Variants in TFB1M observed in about 807,000 individuals in gnomAD.
TFB1M encodes transcription factor B1, mitochondrial, also known as dimethyladenosine transferase 1, mitochondrial.
TFB1M carries 27 observed loss-of-function variants against 31.1 expected under a neutral mutation model. The observed-to-expected ratio is 0.87, with a 90% CI of 0.64 to 1.20. TFB1M has a LOEUF of 1.20. Ranked by LOEUF, TFB1M falls within the 50% of genes most tolerant of loss-of-function variation. TFB1M has a pLI of 0.00. For missense variants in TFB1M, 394 were observed against 418.7 expected (o/e 0.94, Z 0.51); for synonymous variants, 166 against 151.8 (o/e 1.09, Z -0.69).
At chr6:155,266,295 T>A (rs976781920) in intron 5 of TFB1M, among the ~76,000 whole-genome samples, 1 of 152,138 alleles carries the variant, frequency 6.6e-6, no homozygotes, top group African/African-American at 2.4e-5. Flanking sequence ...TAAAAGCCAC[T>A]GGGTTGGGCC....
At chr6:155,275,687 AT>A (rs1268803800) in intron 5 of TFB1M, 4 of 1,573,118 alleles carry the variant, frequency 2.5e-6, no homozygotes. Flanking sequence ...AAACATCAGG[AT>A]TTTCTAAGAG....
downstream of TFB1M, chr6:155,255,958 A>G (rs181709318): frequency 7.6e-5 from 13 of 170,720 alleles, no homozygotes; most frequent in African/African-American, 3.2e-4. Flanking sequence ...TGCAGTGAGC[A>G]GAGATCACAC....
the TFB1M span, among the ~76,000 whole-genome samples, chr6:155,235,021 G>C: frequency 6.6e-6 from 1 of 151,578 alleles, no homozygotes. Flanking sequence ...CACAGCTAGA[G>C]ACAGAGCACA....
At chr6:155,250,451 G>A in the TFB1M span, 2 of 1,130,490 alleles carry the variant, frequency 1.8e-6, no homozygotes, top group Non-Finnish European at 2.5e-6. Context: ...AAGTAGCATA[G>A]TTTAGGGAGA....
At position 155,257,041 on chromosome 6, in the gene TFB1M, C is replaced by T. The variant is rs201575258; in HGVS notation, c.*795G>A. 96 of 1,613,978 alleles carry T rather than the reference C, an allele frequency of 5.9e-5. No homozygotes were observed. Among genetic ancestry groups the T allele is most frequent in the Non-Finnish European group, 7.3e-5 (86 of 1,180,032 alleles). ...CATCGACCTAAATTCTGTTCTAGAG[C>T]GAGAATTCAGTGTCCAGAGTTTAAC... is the stretch of plus-strand genomic sequence containing the variant. On this transcript the variant is annotated 3_prime_UTR_variant, in exon 7 of 7. Transcript: ENST00000367166.
intron 5 of TFB1M, chr6:155,264,269 C>T (rs1434315191): frequency 1.3e-5 from 2 of 152,096 alleles, no homozygotes; most frequent in Non-Finnish European, 2.9e-5. Context: ...TCACGGGCCT[C>T]GAGGTTACAA....
downstream of TFB1M, chr6:155,253,747 G>T (rs1583293349): frequency 2.1e-6 from 1 of 483,056 alleles, no homozygotes; most frequent in Non-Finnish European, 3.6e-6. Flanking sequence ...GGTGAAGGCA[G>T]TTCAGATGGA....
chr6:155,245,755 G>GTTTTC, the TFB1M span: 1 of 1,022,126 alleles, frequency 9.8e-7, no homozygotes, highest in Non-Finnish European at 1.4e-6. Context: ...GCCTTTTATA[G>GTTTTC]TTTTTTTTTT....
In TFB1M at chr6:155,285,302, T is replaced by C. The variant is rs529868062; in HGVS notation, c.547-25A>G. 7 of 1,613,110 alleles carry C rather than the reference T, an allele frequency of 4.3e-6. No individual in the cohort carries two copies. In the South Asian group the frequency reaches 6.6e-5, roughly 15 times the overall value. On this transcript the variant is annotated intron_variant, in intron 4 of 6. Coordinates refer to ENST00000367166, the MANE Select transcript of TFB1M (RefSeq NM_016020.4). ...TCTAGAGAGAGACAAAAATGAATTT[T>C]AGCAAATAATTAGTCCAGCCTGATT... is the stretch of plus-strand genomic sequence containing the variant.
At chr6:155,285,298 A>G (rs889454240) in intron 4 of TFB1M, 21 bp from the exon 5 acceptor site, 1 of 1,613,148 alleles carries the variant, frequency 6.2e-7, no homozygotes, top group African/African-American at 1.3e-5. Flanking sequence ...ACAAAAATGA[A>G]TTTTAGCAAA....
intron 1 of TFB1M, among the ~76,000 whole-genome samples, chr6:155,312,611 G>A (rs1778060355): frequency 6.6e-6 from 1 of 152,062 alleles, no homozygotes; most frequent in African/African-American, 2.4e-5. Flanking sequence ...GAATATTAAA[G>A]AAGCGCTATC....
chr6:155,241,572 C>T, the TFB1M span, among the ~76,000 whole-genome samples: 2 of 152,162 alleles, frequency 1.3e-5, no homozygotes. Context: ...ACACGTGCGG[C>T]TATTACCTTG....
the TFB1M span, chr6:155,244,645 G>C: frequency 1.9e-6 from 3 of 1,613,128 alleles, no homozygotes; most frequent in South Asian, 2.2e-5. Flanking sequence ...TTCAAATCCT[G>C]ATCTTCACAT....
the TFB1M span, among the ~76,000 whole-genome samples, chr6:155,239,910 TCTTCATCTGCTTCTA>T: frequency 6.6e-6 from 1 of 152,200 alleles, no homozygotes; most frequent in Admixed American, 6.5e-5. Flanking sequence ...GGTGTTACCA[TCTTCATCTGCTTCTA>T]CTCCATTACT....
Position 155,300,493 on chromosome 6 carries a change from C to G in TFB1M, c.286-1908G>C, listed in dbSNP as rs79018214. Among the ~76,000 whole-genome samples the G allele has an allele frequency of 6.6e-3, 1,000 of 152,244 alleles. 15 individuals are homozygous for G. The highest frequency in any genetic ancestry group is 0.022 in the African/African-American group (934 of 41,536). ...ATGTATAAAACCACATATTTAATCA[C>G]AGTACTTATCATCAATGGAAAACGC... On this transcript the variant is annotated intron_variant, in intron 2 of 6. Transcript: ENST00000367166.
intron 5 of TFB1M, among the ~76,000 whole-genome samples, chr6:155,277,810 A>G (rs1785290442): frequency 6.6e-6 from 1 of 152,230 alleles, no homozygotes. Context: ...ATTCTGATGC[A>G]AAGAATGATT....
At chr6:155,248,205 C>A in the TFB1M span, 2 of 1,606,152 alleles carry the variant, frequency 1.2e-6, no homozygotes, top group African/African-American at 1.3e-5. Flanking sequence ...CACCTCCGGG[C>A]GAGGGCCTGC....
intron 6 of TFB1M, among the ~76,000 whole-genome samples, 172 bp downstream of exon 6, chr6:155,260,101 T>C (rs1293723658): frequency 6.6e-6 from 1 of 152,188 alleles, no homozygotes; most frequent in African/African-American, 2.4e-5. Context: ...CCACCTGAGG[T>C]CTAGCAAGTC....
At chr6:155,237,042 C>T in the TFB1M span, among the ~76,000 whole-genome samples, 1 of 152,228 alleles carries the variant, frequency 6.6e-6, no homozygotes, top group East Asian at 1.9e-4. Context: ...AAAATCTCAT[C>T]CCAGAGAAGG....
Sources: allele counts gnomAD v4.1 joint callset (sites outside exome capture counted in the v4.1 genomes callset), GRCh38; gene constraint gnomAD v4.1.1; transcripts MANE v1.5; gene names NCBI Gene and HGNC (gene_info 2026-07-23, HGNC 2026-07-21).